Variants in XRCC4 observed in about 807,000 individuals in gnomAD.
The protein encoded by XRCC4 is DNA repair protein XRCC4.
A neutral mutation model predicts 39.1 loss-of-function variants in XRCC4; 28 were observed. That is an observed-to-expected ratio of 0.72 (90% confidence interval 0.53 to 0.98). The LOEUF is 0.98. Among genes scored for constraint, XRCC4 ranks in the 50% least tolerant of loss-of-function variants. The probability of loss-of-function intolerance (pLI) is 0.00; values close to 1 mark genes in which losing one functional copy is unlikely to be tolerated. For missense variants in XRCC4, 350 were observed against 376.4 expected (o/e 0.93, Z 0.58); for synonymous variants, 123 against 126.4 (o/e 0.97, Z 0.18).
chr5:83,373,690 A>G, the XRCC4 span, among the ~76,000 whole-genome samples: 1 of 152,200 alleles, frequency 6.6e-6, no homozygotes. Context: ...AACACTCTTC[A>G]CACTGCCCTT....
chr5:83,191,791 T>A (rs1394466702), intron 3 of XRCC4, among the ~76,000 whole-genome samples: 2 of 152,204 alleles, frequency 1.3e-5, no homozygotes, highest in East Asian at 3.9e-4. Context: ...CCTCCTTGCC[T>A]TCTGCCATGA....
intron 7 of XRCC4, among the ~76,000 whole-genome samples, chr5:83,261,609 AT>A (rs67245313): frequency 0.81 from 105,539 of 129,604 alleles, 43,163 homozygotes; most frequent in Non-Finnish European, 0.89. Context: ...CTATGGCTTA[AT>A]TTTTTTTTTT....
At chr5:83,115,800 G>A (rs1156778895) in intron 3 of XRCC4, among the ~76,000 whole-genome samples, 1 of 152,188 alleles carries the variant, frequency 6.6e-6, no homozygotes, top group Admixed American at 6.5e-5. Flanking sequence ...ATGTCTTAAA[G>A]CACTACATTG....
chr5:83,214,368 T>A (rs1356100731), intron 6 of XRCC4, among the ~76,000 whole-genome samples: 3 of 152,108 alleles, frequency 2.0e-5, no homozygotes, highest in Non-Finnish European at 1.5e-5. Context: ...GTGTACAAGA[T>A]CAATATACAG....
intron 7 of XRCC4, among the ~76,000 whole-genome samples, chr5:83,301,834 TC>T (rs2112045336): frequency 6.6e-6 from 1 of 152,328 alleles, no homozygotes; most frequent in East Asian, 1.9e-4. Flanking sequence ...AAATAGGGAA[TC>T]CTTTCCCCAT....
intron 7 of XRCC4, among the ~76,000 whole-genome samples, chr5:83,346,775 AAT>A (rs1233999156): frequency 1.3e-5 from 2 of 152,208 alleles, no homozygotes; most frequent in Non-Finnish European, 2.9e-5. Flanking sequence ...AAAAATTACA[AAT>A]ATGAAATGAA....
intron 6 of XRCC4, among the ~76,000 whole-genome samples, chr5:83,253,650 T>G (rs908178296): frequency 6.6e-6 from 1 of 152,108 alleles, no homozygotes; most frequent in Non-Finnish European, 1.5e-5. Context: ...GAAAAACATC[T>G]ATAAATACAA....
chr5:83,320,575 C>T (rs78752716), intron 7 of XRCC4, among the ~76,000 whole-genome samples: 3,213 of 151,654 alleles, frequency 0.021, 97 homozygotes, highest in African/African-American at 0.068. Context: ...CATCCCCATG[C>T]TATAGAGAAA....
At chr5:83,294,240 A>G (rs1755020147) in intron 7 of XRCC4, among the ~76,000 whole-genome samples, 1 of 152,054 alleles carries the variant, frequency 6.6e-6, no homozygotes, top group African/African-American at 2.4e-5. Context: ...CACAAGAGGA[A>G]CTTGCAGGTC....
chr5:83,263,742 T>A (rs1753849634), intron 7 of XRCC4, among the ~76,000 whole-genome samples: 1 of 151,786 alleles, frequency 6.6e-6, no homozygotes, highest in South Asian at 2.1e-4. Flanking sequence ...ATTCTAGATA[T>A]TAGCCCTTTG....
chr5:83,234,125 A>G (rs6891117), intron 6 of XRCC4, among the ~76,000 whole-genome samples: 9,050 of 152,142 alleles, frequency 0.059, 983 homozygotes, highest in East Asian at 0.48. Flanking sequence ...TATCAGCTCT[A>G]CATTTACAGT....
Position 83,195,889 on chromosome 5 carries a change from G to C in XRCC4, c.435G>C (p.Gln145His). 6 of 1,611,770 alleles carry C rather than the reference G, an allele frequency of 3.7e-6. No homozygotes were observed. Among genetic ancestry groups the C allele is most frequent in the Non-Finnish European group, 5.1e-6 (6 of 1,178,614 alleles). Residue 145 changes from glutamine to histidine, a missense_variant, in exon 4 of 8, where the codon CAG (glutamine) becomes CAC (histidine). Gln to His is a conservative substitution (Grantham distance 24). Coordinates refer to ENST00000396027, the MANE Select transcript of XRCC4 (RefSeq NM_003401.5). ...AENQAKNEHLQKENERLLRDW... is the reference protein window; with the variant it reads ...AENQAKNEHLHKENERLLRDW... ...ATCAAGCCAAAAATGAGCACCTGCA[G>C]AAAGAAAATGAAAGGCTTCTGAGAG...
At chr5:83,331,820 G>GA (rs1443168800) in intron 7 of XRCC4, among the ~76,000 whole-genome samples, 3 of 152,066 alleles carry the variant, frequency 2.0e-5, no homozygotes, top group Non-Finnish European at 4.4e-5. Flanking sequence ...ATAATTGACT[G>GA]AAAAAATAAA....
At chr5:83,221,129 A>G (rs1397541184) in intron 6 of XRCC4, among the ~76,000 whole-genome samples, 1 of 152,146 alleles carries the variant, frequency 6.6e-6, no homozygotes, top group Admixed American at 6.5e-5. Flanking sequence ...CTGTACTAGT[A>G]TTCTAATTCT....
chr5:83,228,839 C>T (rs28360196), intron 6 of XRCC4, among the ~76,000 whole-genome samples: 117 of 152,114 alleles, frequency 7.7e-4, no homozygotes, highest in African/African-American at 2.6e-3. Flanking sequence ...TCCCGCTTTC[C>T]TTTTTATTTT....
In XRCC4 at chr5:83,128,116, G is replaced by A. The variant is rs929510548; in HGVS notation, c.315+16913G>A. Among the ~76,000 whole-genome samples, 10 of 151,560 alleles carry A rather than the reference G, an allele frequency of 6.6e-5. No homozygotes were observed. The East Asian group carries it at 1.4e-3, about 21-fold the overall frequency. On this transcript the variant is annotated intron_variant, in intron 3 of 7. Transcript: ENST00000396027. Reference sequence around the variant, plus strand: ...TTAGGTATATCTCCTAATGCTATCCGTCCACCCTCCTGCCACCCCACGACA... The same window carrying A: ...TTAGGTATATCTCCTAATGCTATCCATCCACCCTCCTGCCACCCCACGACA...
At chr5:83,085,915 T>G (rs1339830125) in intron 1 of XRCC4, among the ~76,000 whole-genome samples, 1 of 152,240 alleles carries the variant, frequency 6.6e-6, no homozygotes, top group Non-Finnish European at 1.5e-5. Flanking sequence ...AACAAAAAGC[T>G]TTTTGATGCA....
At chr5:83,185,821 G>T (rs1376519642) in intron 3 of XRCC4, among the ~76,000 whole-genome samples, 1 of 151,980 alleles carries the variant, frequency 6.6e-6, no homozygotes, top group African/African-American at 2.4e-5. Context: ...GCATTGGTTA[G>T]GTATTTGGAG....
intron 7 of XRCC4, among the ~76,000 whole-genome samples, chr5:83,320,865 G>A (rs868241019): frequency 1.6e-5 from 2 of 124,252 alleles, no homozygotes; most frequent in African/African-American, 3.2e-5. Flanking sequence ...AGGCTGTAAT[G>A]CAGTGGCATG....
Sources: gnomAD v4.1 joint callset for allele counts (sites outside exome capture counted in the v4.1 genomes callset) on GRCh38, gnomAD v4.1.1 for gene constraint, MANE v1.5 for transcripts, NCBI Gene and HGNC (gene_info 2026-07-23, HGNC 2026-07-21) for gene names.